Variants in TSPAN5 observed in about 807,000 individuals in gnomAD.
TSPAN5 encodes the protein tetraspanin 5.
A neutral mutation model predicts 37.1 loss-of-function variants in TSPAN5; 10 were observed. The ratio of observed to expected loss-of-function variants is 0.27; its 90% CI spans 0.17 to 0.46. TSPAN5 has a LOEUF of 0.46. Ranked by LOEUF, TSPAN5 falls within the 20% of genes least tolerant of loss-of-function variation. TSPAN5 has a pLI of 1.00. For synonymous variants in TSPAN5, 110 were observed against 118.9 expected (o/e 0.93, Z 0.48); for missense variants, 195 against 326.6 (o/e 0.60, Z 3.11).
chr4:98,600,965 A>T (rs1755868775), intron 1 of TSPAN5, among the ~76,000 whole-genome samples: 2 of 152,240 alleles, frequency 1.3e-5, no homozygotes, highest in African/African-American at 4.8e-5. Context: ...ATGTTTTGTT[A>T]GCAAGCATGA....
intron 5 of TSPAN5, 57 bp downstream of exon 5, chr4:98,478,628 T>A: frequency 6.2e-7 from 1 of 1,609,580 alleles, no homozygotes; most frequent in Non-Finnish European, 8.5e-7. Flanking sequence ...GCTCGTCCCA[T>A]GCACACTCTC....
intron 1 of TSPAN5, among the ~76,000 whole-genome samples, chr4:98,536,657 C>G (rs1754239698): frequency 6.6e-6 from 1 of 152,222 alleles, no homozygotes; most frequent in African/African-American, 2.4e-5. Context: ...CTATAAGTCC[C>G]TGACTGGGGC....
chr4:98,491,746 A>C (rs894224849), intron 2 of TSPAN5, among the ~76,000 whole-genome samples: 7 of 152,022 alleles, frequency 4.6e-5, no homozygotes, highest in Non-Finnish European at 1.0e-4. Context: ...GGATTACAAA[A>C]ATGATAGGGA....
At chr4:98,612,765 C>T (rs1367229230) in intron 1 of TSPAN5, among the ~76,000 whole-genome samples, 1 of 152,152 alleles carries the variant, frequency 6.6e-6, no homozygotes, top group Admixed American at 6.5e-5. Context: ...CCCACCAAGC[C>T]CTCTCCACAT....
Position 98,594,490 on chromosome 4 carries a change from G to A in TSPAN5, c.81+63656C>T, listed in dbSNP as rs1226829026. 5.0e-4 allele frequency among the ~76,000 whole-genome samples: 27 copies of A among 54,404 alleles called. 11 individuals are homozygous for A. The highest frequency in any genetic ancestry group is 2.7e-3 in the Admixed American group (14 of 5,104). The allele number at this position is 54,404 out of a possible 152,430, so 35.7% of individuals were successfully genotyped here. A position where few individuals can be genotyped will look rare whatever the true frequency, so the allele number is the denominator to read the frequency against. ...TCCAACACTATGTTGAATAGGAGCC[G>A]TGAGAGAGGGCATCCCCGTCTTGTG... is the stretch of plus-strand genomic sequence containing the variant. On this transcript the variant is annotated intron_variant, in intron 1 of 7. Coordinates refer to ENST00000305798, the MANE Select transcript of TSPAN5 (RefSeq NM_005723.4).
chr4:98,471,899 CTCTTA>C lies in TSPAN5; in HGVS notation c.*618_*622del, dbSNP rs1366162202. 1 of 152,244 alleles carries C rather than the reference CTCTTA, an allele frequency of 6.6e-6. No individual in the cohort carries two copies. Among genetic ancestry groups the C allele is most frequent in the Non-Finnish European group, 1.5e-5 (1 of 68,054 alleles). The allele number at this position is 152,244 out of a possible 1,614,324, so 9.4% of individuals were successfully genotyped here. A position where few individuals can be genotyped will look rare whatever the true frequency, so the allele number is the denominator to read the frequency against. ...TCGGTGCACATGAAATACACAACTT[CTCTTA>C]TAAGGAGACTTTCCAGGATAGACCA... On this transcript the variant is annotated 3_prime_UTR_variant, in exon 8 of 8. Transcript: ENST00000305798.
chr4:98,541,500 C>T (rs1428700289), intron 1 of TSPAN5, among the ~76,000 whole-genome samples: 1 of 151,626 alleles, frequency 6.6e-6, no homozygotes, highest in Admixed American at 6.6e-5. Flanking sequence ...CATGGAAAAA[C>T]CCCATCTGTA....
chr4:98,652,071 G>T (rs1560574641), intron 1 of TSPAN5, among the ~76,000 whole-genome samples: 3 of 151,512 alleles, frequency 2.0e-5, no homozygotes, highest in Non-Finnish European at 4.4e-5. Context: ...TGTTACCCAG[G>T]CTGGTCTCAA....
At chr4:98,623,038 CTTCT>C (rs1401077049) in intron 1 of TSPAN5, among the ~76,000 whole-genome samples, 3 of 152,162 alleles carry the variant, frequency 2.0e-5, no homozygotes, top group Non-Finnish European at 1.5e-5. Context: ...CACCATTTTA[CTTCT>C]TTCTACATTT....
rs193152358 is a variant in TSPAN5, at chr4:98,600,995, T to C, written c.81+57151A>G. 1.8e-4 allele frequency among the ~76,000 whole-genome samples: 28 copies of C among 152,358 alleles called. 1 individual carries two copies. In the East Asian group the frequency reaches 5.2e-3, roughly 28 times the overall value. ...GCATGAAAGCAAATTAATCTCCTTG[T>C]ACTATAAGAGCTCTTGGGTAACCAG... On this transcript the variant is annotated intron_variant, in intron 1 of 7. Transcript: ENST00000305798.
intron 1 of TSPAN5, among the ~76,000 whole-genome samples, chr4:98,533,962 A>AC (rs1560526851): frequency 6.8e-6 from 1 of 147,260 alleles, no homozygotes; most frequent in African/African-American, 2.5e-5. Flanking sequence ...AAAAAAAAAA[A>AC]CCAGCTCCTG....
intron 1 of TSPAN5, among the ~76,000 whole-genome samples, chr4:98,633,688 G>A (rs760287475): frequency 3.3e-5 from 5 of 152,260 alleles, no homozygotes; most frequent in South Asian, 4.1e-4. Context: ...ACCACTGCCC[G>A]CAAAGACTGG....
intron 2 of TSPAN5, among the ~76,000 whole-genome samples, chr4:98,490,002 C>T (rs1753051457): frequency 6.6e-6 from 1 of 152,188 alleles, no homozygotes; most frequent in Non-Finnish European, 1.5e-5. Flanking sequence ...ATGCTGTGAA[C>T]CTTTGTCAAC....
At chr4:98,510,097 T>C (rs1753572454) in intron 1 of TSPAN5, among the ~76,000 whole-genome samples, 1 of 152,226 alleles carries the variant, frequency 6.6e-6, no homozygotes, top group South Asian at 2.1e-4. Flanking sequence ...TCATGCTTAG[T>C]GCTTTGTGTG....
intron 1 of TSPAN5, among the ~76,000 whole-genome samples, chr4:98,511,038 C>G (rs1753593875): frequency 6.6e-6 from 1 of 152,172 alleles, no homozygotes; most frequent in Non-Finnish European, 1.5e-5. Flanking sequence ...TGACCTCATT[C>G]TGAAACCCAG....
chr4:98,484,710 C>A, intron 3 of TSPAN5: 1 of 394,462 alleles, frequency 2.5e-6, no homozygotes, highest in Non-Finnish European at 4.9e-6. Context: ...GCCTGTAATC[C>A]CAGCATTCTG....
At chr4:98,647,768 T>C (rs570197543) in intron 1 of TSPAN5, among the ~76,000 whole-genome samples, 77 of 152,226 alleles carry the variant, frequency 5.1e-4, no homozygotes, top group African/African-American at 1.2e-3. Flanking sequence ...CTAACAATCC[T>C]CTATGTACAT....
At chr4:98,527,054 A>G (rs562110513) in intron 1 of TSPAN5, among the ~76,000 whole-genome samples, 1 of 152,278 alleles carries the variant, frequency 6.6e-6, no homozygotes, top group Admixed American at 6.5e-5. Context: ...TTAAAGCTTT[A>G]TTGACATCGA....
At chr4:98,588,680 TG>T (rs1299322293) in intron 1 of TSPAN5, among the ~76,000 whole-genome samples, 2 of 152,196 alleles carry the variant, frequency 1.3e-5, no homozygotes, top group Non-Finnish European at 2.9e-5. Flanking sequence ...CCAGTTACGA[TG>T]TTCAAAGAGA....
Sources: allele counts gnomAD v4.1 joint callset (sites outside exome capture counted in the v4.1 genomes callset), GRCh38; gene constraint gnomAD v4.1.1; transcripts MANE v1.5; gene names NCBI Gene and HGNC (gene_info 2026-07-23, HGNC 2026-07-21).